WWOX: variants seen among roughly 807,000 people sequenced by gnomAD.
The protein encoded by WWOX is WW domain containing oxidoreductase.
In WWOX, 69 loss-of-function variants were observed where a neutral mutation model predicts 46.2. The ratio of observed to expected loss-of-function variants is 1.49; its 90% CI spans 1.23 to 1.82. WWOX has a LOEUF of 1.82. Ranked by LOEUF, WWOX falls within the 40% of genes most tolerant of loss-of-function variation. The probability of loss-of-function intolerance (pLI) is 0.00; values close to 1 mark genes in which losing one functional copy is unlikely to be tolerated. For synonymous variants in WWOX, 359 were observed against 202.6 expected (o/e 1.77, Z -6.56); for missense variants, 919 against 542.6 (o/e 1.69, Z -6.89).
intron 8 of WWOX, among the ~76,000 whole-genome samples, chr16:79,177,437 C>A (rs946020028): frequency 1.3e-5 from 2 of 152,178 alleles, no homozygotes; most frequent in Non-Finnish European, 2.9e-5. Context: ...TTACACACTT[C>A]CGCTAACCTC....
chr16:78,370,800 G>C (rs1160338560), intron 5 of WWOX, among the ~76,000 whole-genome samples: 1 of 108,448 alleles, frequency 9.2e-6, no homozygotes, highest in Admixed American at 9.6e-5. Flanking sequence ...GGGGGGGGGG[G>C]GCAATGCATT....
chr16:78,912,952 A>G (rs13330084), intron 8 of WWOX, among the ~76,000 whole-genome samples: 8,381 of 152,072 alleles, frequency 0.055, 492 homozygotes, highest in African/African-American at 0.14. Context: ...CGAACGGTCC[A>G]TTCTGAGGGC....
intron 8 of WWOX, among the ~76,000 whole-genome samples, chr16:78,502,344 C>T (rs1308585102): frequency 6.6e-6 from 1 of 152,140 alleles, no homozygotes; most frequent in Non-Finnish European, 1.5e-5. Flanking sequence ...CCAAATACCT[C>T]CTCTCTCCAG....
At chr16:79,046,508 G>T (rs1463076781) in intron 8 of WWOX, among the ~76,000 whole-genome samples, 1 of 152,176 alleles carries the variant, frequency 6.6e-6, no homozygotes, top group Non-Finnish European at 1.5e-5. Context: ...TGAAGGCTGG[G>T]CTCCTGATTC....
intron 5 of WWOX, among the ~76,000 whole-genome samples, chr16:78,271,904 C>A (rs11649561): frequency 6.6e-6 from 1 of 152,216 alleles, no homozygotes; most frequent in Admixed American, 6.5e-5. Flanking sequence ...TATGGCCTTA[C>A]GTTTTCCGGG....
chr16:79,137,804 C>A (rs1197404375), intron 8 of WWOX, among the ~76,000 whole-genome samples: 1 of 152,060 alleles, frequency 6.6e-6, no homozygotes, highest in African/African-American at 2.4e-5. Context: ...TTAATGACTT[C>A]CAGGTGTGCC....
chr16:78,912,120 A>G (rs910374079), intron 8 of WWOX, among the ~76,000 whole-genome samples: 5 of 151,556 alleles, frequency 3.3e-5, no homozygotes, highest in Non-Finnish European at 5.9e-5. Context: ...CTGAGCCTCA[A>G]CTTCCTCATG....
At chr16:78,648,348 A>T (rs2046891158) in intron 8 of WWOX, among the ~76,000 whole-genome samples, 1 of 152,152 alleles carries the variant, frequency 6.6e-6, no homozygotes, top group Non-Finnish European at 1.5e-5. Flanking sequence ...CTTCATCAGG[A>T]GCCAGCCGGC....
intron 8 of WWOX, among the ~76,000 whole-genome samples, chr16:79,062,721 T>A (rs1294835230): frequency 2.0e-5 from 3 of 152,180 alleles, no homozygotes; most frequent in Admixed American, 6.5e-5. Context: ...GTTTTCAGCC[T>A]GAGGAGGAAG....
intron 8 of WWOX, among the ~76,000 whole-genome samples, chr16:78,969,317 T>G (rs1193453742): frequency 6.6e-6 from 1 of 151,736 alleles, no homozygotes; most frequent in East Asian, 1.9e-4. Flanking sequence ...GTCACCTGGC[T>G]GGAATACAAT....
chr16:78,614,911 A>T (rs2045983962), intron 8 of WWOX, among the ~76,000 whole-genome samples: 1 of 152,138 alleles, frequency 6.6e-6, no homozygotes, highest in South Asian at 2.1e-4. Context: ...ATCCATTCTT[A>T]GATTTTCCTT....
intron 7 of WWOX, among the ~76,000 whole-genome samples, chr16:78,426,328 G>A (rs1169753501): frequency 1.3e-5 from 2 of 152,146 alleles, no homozygotes; most frequent in African/African-American, 4.8e-5. Context: ...GATGTGGAGG[G>A]CACCACGGGA....
chr16:78,915,904 A>T (rs953976653), intron 8 of WWOX, among the ~76,000 whole-genome samples: 8 of 152,220 alleles, frequency 5.3e-5, no homozygotes, highest in Non-Finnish European at 2.9e-5. Context: ...CTGAATTTTA[A>T]TTTGCTATTT....
chr16:78,668,274 T>C (rs1399268771), intron 8 of WWOX, among the ~76,000 whole-genome samples: 1 of 152,030 alleles, frequency 6.6e-6, no homozygotes, highest in East Asian at 1.9e-4. Flanking sequence ...GAGCAAGACT[T>C]TGTCTCAAAC....
At chr16:78,148,680 G>A (rs910197041) in intron 4 of WWOX, among the ~76,000 whole-genome samples, 2 of 151,848 alleles carry the variant, frequency 1.3e-5, no homozygotes, top group African/African-American at 2.4e-5. Context: ...GGTAGATCAC[G>A]AGGTCAGGAG....
intron 8 of WWOX, among the ~76,000 whole-genome samples, chr16:78,624,571 C>A (rs920992281): frequency 1.3e-5 from 2 of 152,086 alleles, no homozygotes; most frequent in African/African-American, 4.8e-5. Flanking sequence ...ACAGACTAAT[C>A]TAATAGCATA....
At chr16:78,147,700 A>T (rs868223056) in intron 4 of WWOX, among the ~76,000 whole-genome samples, 4 of 109,970 alleles carry the variant, frequency 3.6e-5, no homozygotes, top group African/African-American at 1.3e-4. Context: ...TTTTTTTAAA[A>T]AAAAAAAAGG....
rs1162184319 is a variant in WWOX, at chr16:78,348,299, C to G, written c.517-38561C>G. Reference sequence around the variant, plus strand: ...GGAATTTGAAAGGTTACGTACAAGTCAAGCTGCCTCTGTAATGTCACTTAT... The same window carrying G: ...GGAATTTGAAAGGTTACGTACAAGTGAAGCTGCCTCTGTAATGTCACTTAT... On this transcript the variant is annotated intron_variant, in intron 5 of 8. Coordinates refer to ENST00000566780, the MANE Select transcript of WWOX (RefSeq NM_016373.4). 1.7e-5 allele frequency among the ~76,000 whole-genome samples: 2 copies of G among 120,820 alleles called. 1 individual carries two copies. The highest frequency in any genetic ancestry group is 3.9e-5 in the Non-Finnish European group (2 of 50,670). The allele number at this position is 120,820 out of a possible 152,430, so 79.3% of individuals were successfully genotyped here.
chr16:79,178,975 C>G (rs16949791), intron 8 of WWOX, among the ~76,000 whole-genome samples: 1,707 of 152,264 alleles, frequency 0.011, 28 homozygotes, highest in African/African-American at 0.039. Flanking sequence ...GTGAGTTTAT[C>G]ATACTCCTGC....
Sources: gnomAD v4.1 joint callset for allele counts (sites outside exome capture counted in the v4.1 genomes callset) on GRCh38, gnomAD v4.1.1 for gene constraint, MANE v1.5 for transcripts, NCBI Gene and HGNC (gene_info 2026-07-23, HGNC 2026-07-21) for gene names.